CDH18: variants seen among roughly 807,000 people sequenced by gnomAD.
CDH18 encodes the protein cadherin-18.
Under a neutral mutation model 67.9 loss-of-function variants are expected in CDH18, and 31 were observed. That is an observed-to-expected ratio of 0.46 (90% CI 0.34 to 0.62). The LOEUF (loss-of-function observed/expected upper bound fraction) is 0.62, where lower values mean the gene tolerates loss of function less well. Ranked by LOEUF, CDH18 falls within the 20% of genes least tolerant of loss-of-function variation. The pLI, the probability that CDH18 is intolerant of heterozygous loss-of-function variation, is 0.01. For synonymous variants in CDH18, 362 were observed against 347.2 expected (o/e 1.04, Z -0.48); for missense variants, 890 against 975.5 (o/e 0.91, Z 1.17).
chr5:20,422,863 TATAG>T (rs1037578554), intron 1 of CDH18, among the ~76,000 whole-genome samples: 8 of 151,138 alleles, frequency 5.3e-5, no homozygotes, highest in Non-Finnish European at 5.9e-5. Context: ...AAGTTCAATT[TATAG>T]CAGAAGTCAG....
At chr5:20,228,101 C>T (rs918479370) in intron 2 of CDH18, among the ~76,000 whole-genome samples, 1 of 152,122 alleles carries the variant, frequency 6.6e-6, no homozygotes, top group African/African-American at 2.4e-5. Flanking sequence ...TGGAAACACT[C>T]TGTCCTTAGT....
At chr5:20,387,581 C>A (rs1744419511) in intron 1 of CDH18, among the ~76,000 whole-genome samples, 1 of 151,844 alleles carries the variant, frequency 6.6e-6, no homozygotes, top group African/African-American at 2.4e-5. Context: ...CCTGATTTCC[C>A]TGGCCAGAAC....
chr5:20,491,673 T>G (rs1409843858), intron 1 of CDH18, among the ~76,000 whole-genome samples: 1 of 152,184 alleles, frequency 6.6e-6, no homozygotes, highest in Non-Finnish European at 1.5e-5. Flanking sequence ...TTTGTAGTAT[T>G]CAGGCCCTCA....
intron 2 of CDH18, among the ~76,000 whole-genome samples, chr5:20,228,756 C>T (rs1741835495): frequency 6.6e-6 from 1 of 152,026 alleles, no homozygotes. Context: ...GCATAATATC[C>T]TCCACATTCA....
chr5:20,065,718 T>A (rs1321020694), intron 2 of CDH18, among the ~76,000 whole-genome samples: 1 of 152,038 alleles, frequency 6.6e-6, no homozygotes. Flanking sequence ...TATTAAATGC[T>A]GTACTGAAGG....
At chr5:19,662,209 T>G (rs1757279728) in intron 5 of CDH18, among the ~76,000 whole-genome samples, 1 of 152,030 alleles carries the variant, frequency 6.6e-6, no homozygotes. Flanking sequence ...TATATTCTTT[T>G]AAAAATCGGT....
chr5:20,311,059 A>G (rs559056524), intron 1 of CDH18, among the ~76,000 whole-genome samples: 30 of 152,180 alleles, frequency 2.0e-4, no homozygotes, highest in Non-Finnish European at 3.7e-4. Context: ...ATTGAATTCA[A>G]TATTGTATAC....
At chr5:19,579,725 T>C (rs1462310081) in intron 7 of CDH18, among the ~76,000 whole-genome samples, 1 of 151,818 alleles carries the variant, frequency 6.6e-6, no homozygotes, top group Non-Finnish European at 1.5e-5. Context: ...TCCTATGTTC[T>C]TAGGAAAAGA....
At chr5:19,887,888 T>A (rs918089085) in intron 2 of CDH18, among the ~76,000 whole-genome samples, 10 of 152,050 alleles carry the variant, frequency 6.6e-5, no homozygotes, top group African/African-American at 2.4e-4. Context: ...CTTTTGTATA[T>A]GGTGTGAGAC....
intron 5 of CDH18, among the ~76,000 whole-genome samples, chr5:19,672,084 G>T (rs986510298): frequency 6.6e-6 from 1 of 152,058 alleles, no homozygotes; most frequent in African/African-American, 2.4e-5. Flanking sequence ...ATTAAATACT[G>T]GTAAAATCTC....
At chr5:20,027,334 A>G (rs1739000268) in intron 2 of CDH18, among the ~76,000 whole-genome samples, 1 of 152,194 alleles carries the variant, frequency 6.6e-6, no homozygotes, top group Non-Finnish European at 1.5e-5. Context: ...ATCAAATATA[A>G]ATTAATACAT....
intron 2 of CDH18, among the ~76,000 whole-genome samples, chr5:19,978,151 G>T (rs1309909553): frequency 6.6e-6 from 1 of 151,962 alleles, no homozygotes; most frequent in Admixed American, 6.6e-5. Context: ...TTTTAATCAT[G>T]TTTGGACACA....
intron 10 of CDH18, among the ~76,000 whole-genome samples, chr5:19,510,188 T>G (rs185204221): frequency 6.6e-6 from 1 of 152,164 alleles, no homozygotes; most frequent in African/African-American, 2.4e-5. Context: ...AGTTTCTTAT[T>G]CCAACTCTGC....
intron 2 of CDH18, among the ~76,000 whole-genome samples, chr5:20,208,420 T>C (rs1382479948): frequency 6.9e-6 from 1 of 144,772 alleles, no homozygotes; most frequent in Non-Finnish European, 1.5e-5. Context: ...CAAGATGAGA[T>C]TTGTGTGGGG....
chr5:19,575,367 C>G (rs1419632460), intron 7 of CDH18, among the ~76,000 whole-genome samples: 3 of 152,170 alleles, frequency 2.0e-5, no homozygotes, highest in African/African-American at 7.2e-5. Flanking sequence ...AAGAGAGAAA[C>G]TACCAGCAAG....
intron 11 of CDH18, among the ~76,000 whole-genome samples, chr5:19,501,880 C>T (rs557901478): frequency 6.6e-6 from 1 of 152,090 alleles, no homozygotes; most frequent in East Asian, 1.9e-4. Context: ...TATAAGACAG[C>T]CTGTTCTAAT....
intron 7 of CDH18, among the ~76,000 whole-genome samples, chr5:19,582,386 C>T (rs910496891): frequency 9.2e-5 from 14 of 151,928 alleles, no homozygotes; most frequent in African/African-American, 3.4e-4. Flanking sequence ...TGTGTCAAAA[C>T]AATCAATTAG....
intron 2 of CDH18, among the ~76,000 whole-genome samples, chr5:19,972,404 T>C (rs778477954): frequency 6.6e-6 from 1 of 152,068 alleles, no homozygotes; most frequent in Non-Finnish European, 1.5e-5. Flanking sequence ...CCATTGAAAG[T>C]CTGCATCCAA....
chr5:19,922,913 T>C (rs966802716), intron 2 of CDH18, among the ~76,000 whole-genome samples: 3 of 152,188 alleles, frequency 2.0e-5, no homozygotes, highest in Admixed American at 1.3e-4. Context: ...ACAAATTATA[T>C]ATTCGTTTAA....
Sources: allele counts gnomAD v4.1 joint callset (sites outside exome capture counted in the v4.1 genomes callset), GRCh38; gene constraint gnomAD v4.1.1; transcripts MANE v1.5; gene names NCBI Gene and HGNC (gene_info 2026-07-23, HGNC 2026-07-21).